Variants in PEAK1 observed in about 807,000 individuals in gnomAD.
PEAK1 encodes inactive tyrosine-protein kinase PEAK1.
In PEAK1, 54 loss-of-function variants were observed where a neutral mutation model predicts 124.7. The ratio of observed to expected loss-of-function variants is 0.43; its 90% confidence interval spans 0.35 to 0.54. PEAK1 has a LOEUF of 0.54. Among genes scored for constraint, PEAK1 ranks in the 20% least tolerant of loss-of-function variants. PEAK1 has a pLI of 0.01. For synonymous variants in PEAK1, 719 were observed against 760.0 expected, an observed-to-expected ratio of 0.95 and a Z score of 0.89; for missense variants, 2,046 against 2,134.5, an observed-to-expected ratio of 0.96 and a Z score of 0.82.
Position 77,335,896 on chromosome 15 carries a change from T to C in PEAK1, c.-603+29267A>G, listed in dbSNP as rs189133408. The C allele has an allele frequency of 4.5e-5, 44 of 985,332 alleles. No individual in the cohort carries two copies. The Admixed American group carries it at 4.9e-4, about 11-fold the overall frequency. The allele number at this position is 985,332 out of a possible 1,614,324, so 61.0% of individuals were successfully genotyped here. A position where few individuals can be genotyped will look rare whatever the true frequency, so the allele number is the denominator to read the frequency against. ...CATGCCATCCTTCCCACCCCAATCA[T>C]TGCACTTCAGGAAACAAATGCCACA... is the stretch of plus-strand genomic sequence containing the variant. On this transcript the variant is annotated intron_variant, in intron 2 of 9. Coordinates refer to ENST00000682557, the MANE Select transcript of PEAK1 (RefSeq NM_001385026.1).
At chr15:77,347,774 T>A (rs1244160828) in intron 2 of PEAK1, 6 of 983,208 alleles carry the variant, frequency 6.1e-6, no homozygotes, top group South Asian at 4.7e-5. Flanking sequence ...AGAAAAAAAA[T>A]TTAGTGAGTG....
At chr15:77,164,151 TC>T (rs1343659275) in intron 7 of PEAK1, among the ~76,000 whole-genome samples, 1 of 152,242 alleles carries the variant, frequency 6.6e-6, no homozygotes, top group Admixed American at 6.5e-5. Flanking sequence ...ATCTTTAGTT[TC>T]CAGGTCATCA....
rs2057185267 is a variant in PEAK1, at chr15:77,180,433, T to C, written c.1494A>G (p.Thr498=). ...AGTTTGGAGTAGAGGATGAGCTTTT[T>C]GTCTTGGGGCTGTTAACAGGGCCCT... ...HLEGPVNSPK[T]KSSSSTPNSP... Residue 498 remains threonine, a synonymous_variant, in exon 7 of 10, where the codon ACA becomes ACG. Transcript: ENST00000682557. The C allele has an allele frequency of 7.4e-6, 12 of 1,614,156 alleles. No individual in the cohort carries two copies. Among genetic ancestry groups the C allele is most frequent in the Non-Finnish European group, 9.3e-6 (11 of 1,180,028 alleles).
chr15:77,287,707 C>T (rs2062999369), intron 2 of PEAK1, among the ~76,000 whole-genome samples: 1 of 152,198 alleles, frequency 6.6e-6, no homozygotes, highest in Non-Finnish European at 1.5e-5. Context: ...CAGACTCCTA[C>T]ATCCAGTTGT....
chr15:77,211,812 C>T (rs1567120348), intron 6 of PEAK1, among the ~76,000 whole-genome samples: 1 of 135,462 alleles, frequency 7.4e-6, no homozygotes, highest in South Asian at 2.3e-4. Context: ...CACGCCACTG[C>T]ACTCCAGCCT....
rs796225530 is a variant in PEAK1, at chr15:77,324,325, C to CA, written c.-602-37822dup. ...GAAACCCCCATCTCTACTAAAAATACAAAAAATTAGCTGGGCATAGTGGTG... is the reference window on the plus strand; with the variant it reads ...GAAACCCCCATCTCTACTAAAAATACAAAAAAATTAGCTGGGCATAGTGGTG... On this transcript the variant is annotated intron_variant, in intron 2 of 9. Transcript: ENST00000682557. Among the ~76,000 whole-genome samples, 11 of 152,032 alleles carry CA rather than the reference C, an allele frequency of 7.2e-5. No homozygotes were observed. In the East Asian group the frequency reaches 1.9e-3, roughly 27 times the overall value.
At chr15:77,325,567 C>A (rs12899552) in intron 2 of PEAK1, among the ~76,000 whole-genome samples, 40,920 of 151,924 alleles carry the variant, frequency 0.27, 6,517 homozygotes, top group Middle Eastern at 0.37. Flanking sequence ...CACTGAAAAG[C>A]CAGAAACAGT....
At chr15:77,258,377 T>C (rs1287406501) in intron 5 of PEAK1, among the ~76,000 whole-genome samples, 2 of 152,188 alleles carry the variant, frequency 1.3e-5, no homozygotes, top group Non-Finnish European at 2.9e-5. Flanking sequence ...TGTTCTTCCA[T>C]TTGTTGGTAT....
chr15:77,405,318 A>G (rs1046288766), intron 1 of PEAK1, among the ~76,000 whole-genome samples: 2 of 152,090 alleles, frequency 1.3e-5, no homozygotes, highest in African/African-American at 4.8e-5. Context: ...TCAACTAGAT[A>G]TTATAAGATG....
intron 2 of PEAK1, among the ~76,000 whole-genome samples, chr15:77,351,361 T>G (rs2067198856): frequency 6.6e-6 from 1 of 151,958 alleles, no homozygotes; most frequent in African/African-American, 2.4e-5. Context: ...CGGTAATAGG[T>G]AAGAATGAAA....
intron 1 of PEAK1, chr15:77,402,524 T>A (rs1340801291): frequency 1.0e-6 from 1 of 966,928 alleles, no homozygotes; most frequent in East Asian, 1.1e-4. Context: ...ATAATTATCA[T>A]GTGAAGAAAA....
rs1483782044 is a variant in PEAK1, at chr15:77,349,547, T to C, written c.-603+15616A>G. 13 of 984,430 alleles carry C rather than the reference T, an allele frequency of 1.3e-5. No individual in the cohort carries two copies. The South Asian group carries it at 2.3e-4, about 18-fold the overall frequency. The allele number at this position is 984,430 out of a possible 1,614,324, so 61.0% of individuals were successfully genotyped here. ...GACTTACTTTTATTCTGTTTGTTCA[T>C]AGATTATTTAAACCAGATAGGTGGG... On this transcript the variant is annotated intron_variant, in intron 2 of 9. Transcript: ENST00000682557.
At chr15:77,378,677 T>C (rs1477550672) in intron 1 of PEAK1, among the ~76,000 whole-genome samples, 2 of 152,184 alleles carry the variant, frequency 1.3e-5, no homozygotes, top group Admixed American at 1.3e-4. Context: ...AAAATCACAT[T>C]GTCAATTCTC....
chr15:77,184,760 G>A (rs1321132790), intron 6 of PEAK1, among the ~76,000 whole-genome samples: 1 of 152,134 alleles, frequency 6.6e-6, no homozygotes, highest in African/African-American at 2.4e-5. Context: ...AGCCAGGCAT[G>A]GTGGTGTATG....
chr15:77,397,113 A>T (rs2070953348), intron 1 of PEAK1, among the ~76,000 whole-genome samples: 1 of 152,212 alleles, frequency 6.6e-6, no homozygotes, highest in Non-Finnish European at 1.5e-5. Context: ...CAAGTATCTT[A>T]TCTGACCACA....
chr15:77,228,622 G>T lies in PEAK1; in HGVS notation c.-115+23745C>A, dbSNP rs548717279. Among the ~76,000 whole-genome samples, 6 of 152,192 alleles carry T rather than the reference G, an allele frequency of 3.9e-5. No individual in the cohort carries two copies. The East Asian group carries it at 1.2e-3, about 29-fold the overall frequency. ...TCTAGCACAAACCCTGAGAGGATGG[G>T]TAGGTCCCAGGCAGGGCCCAATTAT... On this transcript the variant is annotated intron_variant, in intron 6 of 9. Coordinates refer to ENST00000682557, the MANE Select transcript of PEAK1 (RefSeq NM_001385026.1).
In PEAK1 at chr15:77,179,328, G is replaced by T; in HGVS notation, c.2599C>A (p.Pro867Thr). The change falls in exon 7 of 10, where the codon CCA (proline) becomes ACA (threonine). Residue 867 changes from proline to threonine, a missense_variant. Pro to Thr is a conservative substitution (Grantham distance 38). Transcript: ENST00000682557. ...GAGCGTGGCGGGGGAAAGGGAGCTG[G>T]TGGCTCACTTTGGGGGCTAGTCACT... Reference protein sequence around the residue: ...KLVTSPQSEPPAPFPPPRSTS... With the variant: ...KLVTSPQSEPTAPFPPPRSTS... 6.2e-7 allele frequency: 1 copy of T among 1,614,048 alleles called. No individual in the cohort carries two copies. The highest frequency in any genetic ancestry group is 8.5e-7 in the Non-Finnish European group (1 of 1,180,018).
At chr15:77,328,791 T>G (rs1418324111) in intron 2 of PEAK1, among the ~76,000 whole-genome samples, 1 of 152,198 alleles carries the variant, frequency 6.6e-6, no homozygotes, top group African/African-American at 2.4e-5. Context: ...TAGTTGTTTT[T>G]GGAGCAAAGG....
At chr15:77,296,620 A>T (rs537087266) in intron 2 of PEAK1, among the ~76,000 whole-genome samples, 1 of 151,824 alleles carries the variant, frequency 6.6e-6, no homozygotes, top group South Asian at 2.1e-4. Flanking sequence ...TCTCAAAAAA[A>T]TAAATAAATA....
Sources: allele counts gnomAD v4.1 joint callset (sites outside exome capture counted in the v4.1 genomes callset), GRCh38; gene constraint gnomAD v4.1.1; transcripts MANE v1.5; gene names NCBI Gene and HGNC (gene_info 2026-07-23, HGNC 2026-07-21).